DRC10: variants seen among roughly 807,000 people sequenced by gnomAD.
The protein encoded by DRC10 is dynein regulatory complex subunit 10, also known as IQ domain-containing protein D.
chr12:113,195,638 G>A, the DRC10 span: 1 of 1,612,972 alleles, frequency 6.2e-7, no homozygotes, highest in Non-Finnish European at 8.5e-7. Flanking sequence ...CCTTTGCTTT[G>A]CCCTTGCCCC....
At chr12:113,216,372 G>A in the DRC10 span, among the ~76,000 whole-genome samples, 1 of 152,202 alleles carries the variant, frequency 6.6e-6, no homozygotes, top group Non-Finnish European at 1.5e-5. Context: ...AAGGGCTGGG[G>A]GAAGGGAGGG....
the DRC10 span, among the ~76,000 whole-genome samples, chr12:113,204,925 C>CAA: frequency 7.0e-5 from 10 of 143,020 alleles, no homozygotes; most frequent in Non-Finnish European, 1.4e-4. Flanking sequence ...AAGACTGTCT[C>CAA]AAAAAAAAAA....
At chr12:113,202,410 C>A in the DRC10 span, among the ~76,000 whole-genome samples, 51 of 152,100 alleles carry the variant, frequency 3.4e-4, no homozygotes, top group Non-Finnish European at 5.4e-4. Context: ...TTTCCCAGGG[C>A]CTTGAACCTT....
the DRC10 span, among the ~76,000 whole-genome samples, chr12:113,212,057 C>T: frequency 6.6e-6 from 1 of 150,774 alleles, no homozygotes; most frequent in Non-Finnish European, 1.5e-5. Flanking sequence ...AGAGCGAGAT[C>T]CTATCTCTCC....
At chr12:113,195,839 C>T in the DRC10 span, 3 of 1,613,736 alleles carry the variant, frequency 1.9e-6, no homozygotes, top group Non-Finnish European at 1.7e-6. Context: ...TGAGCTCCTC[C>T]AGCGAGATCT....
the DRC10 span, chr12:113,206,078 G>C: frequency 3.3e-5 from 5 of 151,642 alleles, no homozygotes; most frequent in African/African-American, 1.2e-4. Flanking sequence ...AAATTAGCTG[G>C]GTATGGTGGT....
chr12:113,203,777 A>ATTTTT, the DRC10 span, among the ~76,000 whole-genome samples: 447 of 96,964 alleles, frequency 4.6e-3, 2 homozygotes, highest in Non-Finnish European at 5.8e-3. Flanking sequence ...TGCCCAGCTA[A>ATTTTT]TTTTTTTTTT....
chr12:113,199,235 C>G, the DRC10 span, among the ~76,000 whole-genome samples: 1 of 152,064 alleles, frequency 6.6e-6, no homozygotes, highest in African/African-American at 2.4e-5. Flanking sequence ...CTGCTCCCAG[C>G]CAATAATAAT....
the DRC10 span, chr12:113,207,279 C>T: frequency 8.3e-6 from 6 of 719,556 alleles, no homozygotes; most frequent in Non-Finnish European, 7.5e-6. Context: ...ACCTGGGAGG[C>T]AGAGGTTGCA....
the DRC10 span, among the ~76,000 whole-genome samples, chr12:113,197,973 T>C: frequency 6.6e-6 from 1 of 152,174 alleles, no homozygotes; most frequent in Non-Finnish European, 1.5e-5. Flanking sequence ...TCCCAGCGCT[T>C]TGGGAGGCTG....
chr12:113,203,526 A>G, the DRC10 span, among the ~76,000 whole-genome samples: 1 of 124,232 alleles, frequency 8.0e-6, no homozygotes, highest in Non-Finnish European at 1.6e-5. Context: ...CACAGGCTGG[A>G]GTATGATGGT....
chr12:113,212,497 G>A, the DRC10 span, among the ~76,000 whole-genome samples: 1 of 152,244 alleles, frequency 6.6e-6, no homozygotes, highest in African/African-American at 2.4e-5. Flanking sequence ...AATGAATGCA[G>A]TCCTCTCCAT....
chr12:113,220,961 C>T, the DRC10 span: 95,492 of 351,700 alleles, frequency 0.27, 14,863 homozygotes, highest in Non-Finnish European at 0.34. Context: ...TCCACATCTC[C>T]CCCGATCCGC....
the DRC10 span, among the ~76,000 whole-genome samples, chr12:113,209,749 G>A: frequency 6.6e-6 from 1 of 152,190 alleles, no homozygotes; most frequent in Non-Finnish European, 1.5e-5. Context: ...GGAGCAGAAT[G>A]GAGGGCATAC....
the DRC10 span, among the ~76,000 whole-genome samples, chr12:113,199,442 C>CAGAGCA: frequency 6.6e-6 from 1 of 151,324 alleles, no homozygotes; most frequent in Non-Finnish European, 1.5e-5. Context: ...CCTAATCCTA[C>CAGAGCA]AGAGCAAGAG....
the DRC10 span, among the ~76,000 whole-genome samples, chr12:113,199,565 G>A: frequency 3.9e-5 from 6 of 152,190 alleles, no homozygotes; most frequent in East Asian, 1.9e-4. Flanking sequence ...GGAGAGGCCC[G>A]TGGCTTCCAT....
chr12:113,197,513 C>A, the DRC10 span: 4 of 1,459,536 alleles, frequency 2.7e-6, no homozygotes, highest in Non-Finnish European at 3.7e-6. Context: ...GAAAAGCATG[C>A]GAGAGAGACT....
the DRC10 span, among the ~76,000 whole-genome samples, chr12:113,217,627 G>T: frequency 6.6e-6 from 1 of 152,212 alleles, no homozygotes; most frequent in African/African-American, 2.4e-5. Context: ...CACCCCCCTG[G>T]TTCAAGCAAT....
chr12:113,208,480 C>T, the DRC10 span: 59 of 473,312 alleles, frequency 1.2e-4, no homozygotes, highest in Admixed American at 3.8e-4. Flanking sequence ...ATGTGTCAGG[C>T]GGGGACCAGC....
Sources: allele counts gnomAD v4.1 joint callset (sites outside exome capture counted in the v4.1 genomes callset), GRCh38; gene constraint gnomAD v4.1.1; transcripts MANE v1.5; gene names NCBI Gene and HGNC (gene_info 2026-07-23, HGNC 2026-07-21).